Variants in CCSER1 observed in about 807,000 individuals in gnomAD.
CCSER1 encodes serine-rich coiled-coil domain-containing protein 1.
A neutral mutation model predicts 82.0 loss-of-function variants in CCSER1; 41 were observed. The ratio of observed to expected loss-of-function variants is 0.50; its 90% CI spans 0.39 to 0.65. The LOEUF is 0.65. Ranked by LOEUF, CCSER1 falls within the 30% of genes least tolerant of loss-of-function variation. The pLI is 0.00. For missense variants in CCSER1, 1,119 were observed against 1,064.2 expected (o/e 1.05, Z -0.72); for synonymous variants, 414 against 383.9 (o/e 1.08, Z -0.92).
chr4:90,807,887 GA>G (rs538312293), intron 7 of CCSER1, among the ~76,000 whole-genome samples: 3 of 151,390 alleles, frequency 2.0e-5, no homozygotes, highest in Non-Finnish European at 4.4e-5. Flanking sequence ...GCAGAATTAG[GA>G]AAAAAAAATT....
intron 10 of CCSER1, among the ~76,000 whole-genome samples, chr4:91,162,244 C>A (rs1054005434): frequency 6.6e-6 from 1 of 152,128 alleles, no homozygotes; most frequent in Non-Finnish European, 1.5e-5. Flanking sequence ...TATTGATTTG[C>A]ATATGTTGAA....
chr4:91,487,142 G>C (rs188761348), intron 10 of CCSER1, among the ~76,000 whole-genome samples: 1 of 152,074 alleles, frequency 6.6e-6, no homozygotes, highest in Non-Finnish European at 1.5e-5. Flanking sequence ...TTTTGCCTTG[G>C]AATAGTCATA....
chr4:91,466,080 T>A (rs1291916687), intron 10 of CCSER1, among the ~76,000 whole-genome samples: 3 of 152,168 alleles, frequency 2.0e-5, no homozygotes, highest in African/African-American at 7.2e-5. Flanking sequence ...ATATCCCTGA[T>A]GAACATTGAT....
intron 10 of CCSER1, among the ~76,000 whole-genome samples, chr4:91,473,013 A>G (rs569372764): frequency 1.3e-5 from 2 of 151,982 alleles, no homozygotes; most frequent in Non-Finnish European, 2.9e-5. Context: ...ATCCCTGGTT[A>G]AGTTGTGGTT....
At chr4:91,026,154 A>G (rs1683855107) in intron 9 of CCSER1, among the ~76,000 whole-genome samples, 1 of 152,110 alleles carries the variant, frequency 6.6e-6, no homozygotes, top group African/African-American at 2.4e-5. Flanking sequence ...TTGGAATATC[A>G]TTTGCTAAAA....
intron 10 of CCSER1, among the ~76,000 whole-genome samples, chr4:91,089,888 A>C (rs1723773605): frequency 6.6e-6 from 1 of 152,178 alleles, no homozygotes; most frequent in Admixed American, 6.5e-5. Flanking sequence ...AGTAAGGTTA[A>C]ATTTTCCACA....
At chr4:91,272,865 T>A (rs1560558142) in intron 10 of CCSER1, among the ~76,000 whole-genome samples, 1 of 152,338 alleles carries the variant, frequency 6.6e-6, no homozygotes, top group East Asian at 1.9e-4. Context: ...CTTTGCCCAC[T>A]TTATATTCTT....
intron 1 of CCSER1, among the ~76,000 whole-genome samples, chr4:90,140,643 G>GTC (rs1724569829): frequency 7.1e-6 from 1 of 140,300 alleles, no homozygotes; most frequent in Non-Finnish European, 1.6e-5. Context: ...TTCCAATCAG[G>GTC]TATTTTTGGT....
chr4:91,584,150 T>C (rs1560780859), intron 10 of CCSER1, among the ~76,000 whole-genome samples: 1 of 151,512 alleles, frequency 6.6e-6, no homozygotes, highest in Non-Finnish European at 1.5e-5. Flanking sequence ...AACTACTAAA[T>C]GCCAGAACCA....
intron 9 of CCSER1, among the ~76,000 whole-genome samples, chr4:91,056,268 G>A (rs1381999826): frequency 6.6e-6 from 1 of 151,792 alleles, no homozygotes; most frequent in Non-Finnish European, 1.5e-5. Flanking sequence ...AGTCCATTTT[G>A]TGATTCTATG....
intron 9 of CCSER1, among the ~76,000 whole-genome samples, chr4:90,926,684 C>T (rs1331816263): frequency 6.6e-6 from 1 of 151,968 alleles, no homozygotes; most frequent in Non-Finnish European, 1.5e-5. Context: ...CAGAGTGTCT[C>T]AGCACAGGCC....
intron 10 of CCSER1, among the ~76,000 whole-genome samples, chr4:91,443,892 T>C (rs957222287): frequency 4.0e-5 from 6 of 151,716 alleles, no homozygotes; most frequent in Admixed American, 6.6e-5. Context: ...AAGTGTATAG[T>C]GGAATTCTTC....
intron 1 of CCSER1, among the ~76,000 whole-genome samples, chr4:90,154,688 A>G (rs1345177672): frequency 8.3e-4 from 122 of 147,128 alleles, no homozygotes; most frequent in Non-Finnish European, 9.5e-4. Context: ...TTTGTCTGTT[A>G]TTGGTGTATA....
At chr4:90,437,407 G>A (rs1317642601) in intron 4 of CCSER1, among the ~76,000 whole-genome samples, 2 of 152,092 alleles carry the variant, frequency 1.3e-5, no homozygotes, top group East Asian at 1.9e-4. Flanking sequence ...ATTGCTAAAT[G>A]TAGACAGAGA....
chr4:90,272,683 TAAAG>T (rs1316815647), intron 1 of CCSER1, among the ~76,000 whole-genome samples: 4 of 152,232 alleles, frequency 2.6e-5, no homozygotes, highest in East Asian at 1.9e-4. Context: ...GATGAATAGA[TAAAG>T]AAAGTGTGGT....
intron 6 of CCSER1, among the ~76,000 whole-genome samples, chr4:90,693,901 AAAG>A (rs1736498306): frequency 6.8e-6 from 1 of 147,562 alleles, no homozygotes; most frequent in South Asian, 2.1e-4. Flanking sequence ...AAAGAGAAAG[AAAG>A]AAGAAAGAGG....
chr4:91,583,328 C>T (rs1430760341), intron 10 of CCSER1, among the ~76,000 whole-genome samples: 1 of 151,250 alleles, frequency 6.6e-6, no homozygotes, highest in African/African-American at 2.4e-5. Flanking sequence ...AAAATTGTTC[C>T]TAAGTATGTA....
chr4:90,526,175 A>G (rs989778398), intron 5 of CCSER1, among the ~76,000 whole-genome samples: 3 of 152,144 alleles, frequency 2.0e-5, no homozygotes, highest in Admixed American at 2.0e-4. Flanking sequence ...GCTGCTTTGA[A>G]CCTTCTCAGA....
intron 1 of CCSER1, among the ~76,000 whole-genome samples, chr4:90,143,294 C>T (rs1725150855): frequency 6.6e-6 from 1 of 152,124 alleles, no homozygotes; most frequent in Non-Finnish European, 1.5e-5. Context: ...AGCATCATGT[C>T]TTCATGCTAT....
Sources: gnomAD v4.1 joint callset for allele counts (sites outside exome capture counted in the v4.1 genomes callset) on GRCh38, gnomAD v4.1.1 for gene constraint, MANE v1.5 for transcripts, NCBI Gene and HGNC (gene_info 2026-07-23, HGNC 2026-07-21) for gene names.